Variants in RYR3 observed in about 807,000 individuals in gnomAD.
RYR3 encodes ryanodine receptor 3.
A neutral mutation model predicts 584.3 loss-of-function variants in RYR3; 207 were observed. That is an observed-to-expected ratio of 0.35 (90% confidence interval 0.32 to 0.40). The LOEUF (loss-of-function observed/expected upper bound fraction) is 0.40, where lower values mean the gene tolerates loss of function less well. Among genes scored for constraint, RYR3 ranks in the 10% least tolerant of loss-of-function variants. RYR3 has a pLI of 1.00. For missense variants in RYR3, 5,616 were observed against 6,089.2 expected, an observed-to-expected ratio of 0.92 and a Z score of 2.59; for synonymous variants, 2,416 against 2,248.5, an observed-to-expected ratio of 1.07 and a Z score of -2.11.
At chr15:33,857,085 C>T (rs1224363636) in intron 98 of RYR3, among the ~76,000 whole-genome samples, 1 of 152,294 alleles carries the variant, frequency 6.6e-6, no homozygotes, top group African/African-American at 2.4e-5. Context: ...CTATTCAATA[C>T]TTAAGTTCCT....
chr15:33,682,520 C>A (rs940386095), intron 38 of RYR3, among the ~76,000 whole-genome samples: 6 of 152,030 alleles, frequency 3.9e-5, no homozygotes, highest in African/African-American at 1.4e-4. Context: ...CCCCTAATTA[C>A]GCTAATTGCA....
At chr15:33,794,970 T>A (rs907977696) in intron 67 of RYR3, among the ~76,000 whole-genome samples, 6 of 152,216 alleles carry the variant, frequency 3.9e-5, no homozygotes, top group African/African-American at 1.4e-4. Context: ...TTGCCATGCA[T>A]GCAATCCCAT....
At chr15:33,420,908 A>G (rs2044196489) in intron 1 of RYR3, among the ~76,000 whole-genome samples, 1 of 152,014 alleles carries the variant, frequency 6.6e-6, no homozygotes, top group African/African-American at 2.4e-5. Flanking sequence ...TTCTGCAGGC[A>G]TTTTTGAGTA....
chr15:33,571,789 C>G (rs2058042429), intron 12 of RYR3, among the ~76,000 whole-genome samples: 1 of 152,104 alleles, frequency 6.6e-6, no homozygotes, highest in South Asian at 2.1e-4. Context: ...CCATTTATAT[C>G]TAATGTAATT....
At chr15:33,377,385 C>A (rs997198511) in intron 1 of RYR3, among the ~76,000 whole-genome samples, 4 of 152,202 alleles carry the variant, frequency 2.6e-5, no homozygotes, top group South Asian at 2.1e-4. Flanking sequence ...GAAGAAGACA[C>A]TGAAGGATGT....
chr15:33,403,986 A>G (rs770233645), intron 1 of RYR3, among the ~76,000 whole-genome samples: 8 of 152,250 alleles, frequency 5.3e-5, no homozygotes, highest in Non-Finnish European at 1.0e-4. Flanking sequence ...TATCTTGTCA[A>G]TTGAAAGATA....
chr15:33,670,142 T>C (rs549708610), intron 37 of RYR3, among the ~76,000 whole-genome samples: 1 of 151,990 alleles, frequency 6.6e-6, no homozygotes, highest in South Asian at 2.1e-4. Flanking sequence ...GTGTATGTAA[T>C]CCCCCTTACA....
At chr15:33,315,869 AT>A (rs1968094266) in intron 1 of RYR3, among the ~76,000 whole-genome samples, 1 of 152,210 alleles carries the variant, frequency 6.6e-6, no homozygotes, top group East Asian at 1.9e-4. Flanking sequence ...GGAGGTGGTG[AT>A]GACTGCAAAC....
At chr15:33,374,357 C>T (rs898230739) in intron 1 of RYR3, among the ~76,000 whole-genome samples, 30 of 136,480 alleles carry the variant, frequency 2.2e-4, no homozygotes, top group Admixed American at 1.0e-3. Flanking sequence ...TCTTCCTGTA[C>T]GAGTGTATGT....
chr15:33,522,747 G>A (rs895479403), intron 3 of RYR3, among the ~76,000 whole-genome samples: 1 of 152,080 alleles, frequency 6.6e-6, no homozygotes, highest in African/African-American at 2.4e-5. Flanking sequence ...AGGGAGTTAG[G>A]ATGGCTACCT....
chr15:33,476,809 T>G (rs549842017), intron 2 of RYR3, among the ~76,000 whole-genome samples: 1 of 152,292 alleles, frequency 6.6e-6, no homozygotes, highest in South Asian at 2.1e-4. Flanking sequence ...AAGTGCGCCA[T>G]CAGGGTTCTC....
intron 38 of RYR3, among the ~76,000 whole-genome samples, chr15:33,692,992 A>G (rs1038899258): frequency 1.1e-4 from 17 of 152,240 alleles, no homozygotes; most frequent in Admixed American, 1.0e-3. Context: ...CAATTCCACC[A>G]GATCTGATTA....
At position 33,775,562 on chromosome 15, in the gene RYR3, G is replaced by A. The variant is rs530008240; in HGVS notation, c.9137+1947G>A. Among the ~76,000 whole-genome samples the A allele has an allele frequency of 2.6e-5, 4 of 152,288 alleles. No homozygotes were observed. In the East Asian group the frequency reaches 7.7e-4, roughly 29 times the overall value. On this transcript the variant is annotated intron_variant, in intron 64 of 103. Transcript: ENST00000634891. The stretch of plus-strand genomic sequence containing the variant: ...TTGGTGAAACTCAGTGCATCCTAGA[G>A]TCATAAGACTTGTGTTTAGTGATTT...
intron 4 of RYR3, among the ~76,000 whole-genome samples, chr15:33,532,087 C>T (rs1387271028): frequency 6.6e-6 from 1 of 152,132 alleles, no homozygotes; most frequent in East Asian, 1.9e-4. Flanking sequence ...GGAATAAAGC[C>T]TATAAGATAT....
chr15:33,431,879 G>A (rs1328268209), intron 1 of RYR3, among the ~76,000 whole-genome samples: 8 of 152,174 alleles, frequency 5.3e-5, no homozygotes, highest in Non-Finnish European at 1.2e-4. Flanking sequence ...GTAAAGCGTT[G>A]TCTCTTTTAC....
In RYR3 at chr15:33,700,987, G is replaced by C. The variant is rs187165112; in HGVS notation, c.6390G>C (p.Ser2130=). 2 of 1,612,642 alleles carry C rather than the reference G, an allele frequency of 1.2e-6. No individual in the cohort carries two copies. Among genetic ancestry groups the C allele is most frequent in the Non-Finnish European group, 1.7e-6 (2 of 1,179,192 alleles). The change falls in exon 42 of 104, where the codon TCG becomes TCC. Residue 2130 remains serine, a synonymous_variant. Transcript: ENST00000634891. The part of the protein sequence containing the change: ...ENSSVGLASP[S]MRGSTPLDVA... ...CCCCTCCTCCCTCAGCCTCCCCGTC[G>C]ATGAGGGGATCCACCCCGCTGGATG...
Position 33,634,659 on chromosome 15 carries a change from G to C in RYR3, c.3101G>C (p.Arg1034Thr). 6.2e-7 allele frequency: 1 copy of C among 1,613,974 alleles called. No homozygotes were observed. The highest frequency in any genetic ancestry group is 8.5e-7 in the Non-Finnish European group (1 of 1,179,850). Residue 1034 changes from arginine to threonine, a missense_variant, in exon 25 of 104, where the codon AGG (arginine) becomes ACG (threonine). By Grantham distance (71) the Arg-to-Thr change is moderately conservative. Coordinates refer to ENST00000634891, the MANE Select transcript of RYR3 (RefSeq NM_001036.6). ...GATGAGCGTACCAAGAAGTCAAACA[G>C]GGACAGCCTGCGGGAAGCTGTGCGC... ...LLDERTKKSNRDSLREAVRTF... is the reference protein window; with the variant it reads ...LLDERTKKSNTDSLREAVRTF...
intron 47 of RYR3, among the ~76,000 whole-genome samples, chr15:33,730,795 T>C (rs544063335): frequency 6.6e-6 from 1 of 152,372 alleles, no homozygotes; most frequent in African/African-American, 2.4e-5. Context: ...AAGAGCATTG[T>C]AAGCAAGAAC....
At chr15:33,548,427 C>T (rs1397886803) in intron 9 of RYR3, among the ~76,000 whole-genome samples, 3 of 152,194 alleles carry the variant, frequency 2.0e-5, no homozygotes, top group Non-Finnish European at 2.9e-5. Context: ...CTTTTCTGCC[C>T]TTGCAGTAGC....
Sources: gnomAD v4.1 joint callset for allele counts (sites outside exome capture counted in the v4.1 genomes callset) on GRCh38, gnomAD v4.1.1 for gene constraint, MANE v1.5 for transcripts, NCBI Gene and HGNC (gene_info 2026-07-23, HGNC 2026-07-21) for gene names.